Variants in SNX32 observed in about 807,000 individuals in gnomAD.
The protein encoded by SNX32 is sorting nexin-32.
Under a neutral mutation model 57.0 loss-of-function variants are expected in SNX32, and 58 were observed. The ratio of observed to expected loss-of-function variants is 1.02; its 90% confidence interval spans 0.82 to 1.27. The LOEUF (loss-of-function observed/expected upper bound fraction) is 1.27, where lower values mean the gene tolerates loss of function less well. Among genes scored for constraint, SNX32 ranks in the 50% most tolerant of loss-of-function variants. SNX32 has a pLI of 0.00. For synonymous variants in SNX32, 262 were observed against 220.4 expected (o/e 1.19, Z -1.67); for missense variants, 589 against 541.2 (o/e 1.09, Z -0.88).
chr11:65,852,702 A>G lies in SNX32; in HGVS notation c.985A>G (p.Thr329Ala). 1 of 1,598,076 alleles carries G rather than the reference A, an allele frequency of 6.3e-7. No individual in the cohort carries two copies. The highest frequency in any genetic ancestry group is 8.5e-7 in the Non-Finnish European group (1 of 1,175,898). ...NANKALDKAR[T>A]RNREVRPAES... ...CAACAAGGCGCTGGACAAGGCGCGC[A>G]CCAGGAACCGGGAGGTGCGGCCCGC... Residue 329 changes from threonine (T) to alanine (A), a missense_variant, in exon 11 of 13, where the codon ACC (threonine) becomes GCC (alanine). Transcript: ENST00000308342.
chr11:65,848,011 C>T lies in SNX32; in HGVS notation c.37-1467C>T, dbSNP rs1318645643. ...ATGCCGGACAGCCAGGAGGAGGGGA[C>T]AGATGCAGGGATCTCCATCCAGGGA... On this transcript the variant is annotated intron_variant, in intron 1 of 12. Transcript: ENST00000308342. 2.0e-5 allele frequency among the ~76,000 whole-genome samples: 3 copies of T among 152,092 alleles called. No individual in the cohort carries two copies. In the East Asian group the frequency reaches 5.8e-4, roughly 29 times the overall value.
At chr11:65,844,012 C>T (rs1201204611) in intron 1 of SNX32, among the ~76,000 whole-genome samples, 2 of 152,246 alleles carry the variant, frequency 1.3e-5, no homozygotes, top group Non-Finnish European at 2.9e-5. Flanking sequence ...ACTCCCCATG[C>T]GCAATTACCA....
intron 1 of SNX32, among the ~76,000 whole-genome samples, chr11:65,840,696 C>G (rs1253060183): frequency 6.6e-6 from 1 of 151,720 alleles, no homozygotes; most frequent in Non-Finnish European, 1.5e-5. Flanking sequence ...CCCAGCTACT[C>G]AGGAGGCTGA....
intron 2 of SNX32, 43 bp downstream of exon 2, chr11:65,849,625 C>A (rs373455761): frequency 1.4e-6 from 2 of 1,446,186 alleles, no homozygotes; most frequent in East Asian, 2.4e-5. Flanking sequence ...GGTGGCTGCC[C>A]GCAGGAGGCC....
At position 65,843,213 on chromosome 11, in the gene SNX32, TC is replaced by T. The variant is rs545388382; in HGVS notation, c.37-6263del. 6.9e-4 allele frequency among the ~76,000 whole-genome samples: 64 copies of T among 92,760 alleles called. No individual in the cohort carries two copies. In the East Asian group the frequency reaches 0.018, roughly 25 times the overall value. The allele number at this position is 92,760 out of a possible 152,430, so 60.9% of individuals were successfully genotyped here. ...TCCAGCCTGGGCGACAGAGCAAGAC[TC>T]CGTCTCAAAAAAAAAAAAAAAAGAA... On this transcript the variant is annotated intron_variant, in intron 1 of 12. Coordinates refer to ENST00000308342, the MANE Select transcript of SNX32 (RefSeq NM_152760.3).
At chr11:65,835,188 C>T (rs1858633612) in intron 1 of SNX32, among the ~76,000 whole-genome samples, 1 of 151,930 alleles carries the variant, frequency 6.6e-6, no homozygotes, top group Non-Finnish European at 1.5e-5. Flanking sequence ...GAGTGGGGAG[C>T]CTCTGTGGCA....
chr11:65,834,762 C>T (rs1360583022), intron 1 of SNX32, among the ~76,000 whole-genome samples: 5 of 131,998 alleles, frequency 3.8e-5, no homozygotes, highest in African/African-American at 1.5e-4. Context: ...GTATGGTCTG[C>T]GTGCATCTTT....
intron 1 of SNX32, among the ~76,000 whole-genome samples, chr11:65,837,529 C>T (rs1176322114): frequency 6.6e-6 from 1 of 151,778 alleles, no homozygotes; most frequent in African/African-American, 2.4e-5. Context: ...CAAAACAAAA[C>T]CAAAAAAGGG....
intron 7 of SNX32, 47 bp from the exon 8 acceptor site, chr11:65,851,281 C>G (rs1323234165): frequency 6.2e-7 from 1 of 1,610,270 alleles, no homozygotes; most frequent in Non-Finnish European, 8.5e-7. Flanking sequence ...AGCACCAAGG[C>G]TTGACATGCA....
At chr11:65,834,433 C>G (rs1024723721) in intron 1 of SNX32, among the ~76,000 whole-genome samples, 1 of 141,410 alleles carries the variant, frequency 7.1e-6, no homozygotes, top group Non-Finnish European at 1.5e-5. Flanking sequence ...GTCTCCGTGT[C>G]TCTGTGTGTG....
At chr11:65,842,745 G>A (rs1858876016) in intron 1 of SNX32, among the ~76,000 whole-genome samples, 2 of 151,566 alleles carry the variant, frequency 1.3e-5, no homozygotes, top group Non-Finnish European at 2.9e-5. Context: ...GAGGTCAGGA[G>A]TTCGAGACCG....
At chr11:65,842,368 ACCGGGCGTGGTGGAT>A (rs1368771081) in intron 1 of SNX32, among the ~76,000 whole-genome samples, 1 of 152,218 alleles carries the variant, frequency 6.6e-6, no homozygotes. Context: ...ATTGAAAATC[ACCGGGCGTGGTGGAT>A]CATGCCTGTA....
In SNX32 at chr11:65,853,630, C is replaced by T. The variant is rs184391833; in HGVS notation, c.*295C>T. ...AACAGCCTCTACCCTCACCCATAGCCCTGAAGGAATCATAGCTCACTTGAT... is the reference window on the plus strand; with the variant it reads ...AACAGCCTCTACCCTCACCCATAGCTCTGAAGGAATCATAGCTCACTTGAT... On this transcript the variant is annotated 3_prime_UTR_variant, in exon 13 of 13. Coordinates refer to ENST00000308342, the MANE Select transcript of SNX32 (RefSeq NM_152760.3). 1.6e-3 allele frequency: 814 copies of T among 497,022 alleles called. 2 individuals carry two copies. Among genetic ancestry groups the T allele is most frequent in the African/African-American group, 0.014 (754 of 52,010 alleles). 30.8% of individuals were successfully genotyped at this position (497,022 alleles called of 1,614,324 possible).
chr11:65,838,151 T>C (rs185782490), intron 1 of SNX32, among the ~76,000 whole-genome samples: 131 of 143,974 alleles, frequency 9.1e-4, no homozygotes, highest in Non-Finnish European at 1.5e-3. Context: ...AGTGAAACTC[T>C]GTCAAAAAAA....
At chr11:65,835,326 AG>A (rs1399994394) in intron 1 of SNX32, among the ~76,000 whole-genome samples, 2 of 15,104 alleles carry the variant, frequency 1.3e-4, no homozygotes, top group African/African-American at 5.8e-4. Flanking sequence ...TGATGGGGGT[AG>A]GTGGGTAGGG....
intron 1 of SNX32, among the ~76,000 whole-genome samples, chr11:65,835,029 G>A (rs577120160): frequency 6.6e-6 from 1 of 150,510 alleles, no homozygotes; most frequent in East Asian, 2.0e-4. Flanking sequence ...GTGTTTGTGT[G>A]TGTCTGTGTA....
chr11:65,849,776 T>C, intron 2 of SNX32, 144 bp from the exon 3 acceptor site: 1 of 776,164 alleles, frequency 1.3e-6, no homozygotes, highest in Admixed American at 2.7e-5. Flanking sequence ...CTGTCCACCA[T>C]TCTAAATGAA....
At chr11:65,837,884 G>A (rs189297179) in intron 1 of SNX32, among the ~76,000 whole-genome samples, 259 of 149,084 alleles carry the variant, frequency 1.7e-3, no homozygotes, top group African/African-American at 6.0e-3. Flanking sequence ...GGCTGGGTGC[G>A]GTGGCTCACG....
At chr11:65,839,323 G>A (rs1160314922) in intron 1 of SNX32, among the ~76,000 whole-genome samples, 18 of 129,216 alleles carry the variant, frequency 1.4e-4, no homozygotes, top group Admixed American at 8.4e-5. Context: ...TCCGCCTCCC[G>A]GGTTCACGCC....
Sources: gnomAD v4.1 joint callset for allele counts (sites outside exome capture counted in the v4.1 genomes callset) on GRCh38, gnomAD v4.1.1 for gene constraint, MANE v1.5 for transcripts, NCBI Gene and HGNC (gene_info 2026-07-23, HGNC 2026-07-21) for gene names.